Variants in PTPN18 observed in about 807,000 individuals in gnomAD.
The protein encoded by PTPN18 is tyrosine-protein phosphatase non-receptor type 18.
PTPN18 carries 65 observed loss-of-function variants against 65.4 expected under a neutral mutation model. That is an observed-to-expected ratio of 0.99 (90% CI 0.81 to 1.22). The LOEUF is 1.22. PTPN18 is among the 50% of genes most tolerant of loss of function. PTPN18 has a pLI of 0.00. For synonymous variants in PTPN18, 255 were observed against 267.8 expected (o/e 0.95, Z 0.47); for missense variants, 616 against 646.5 (o/e 0.95, Z 0.51).
Position 130,370,104 on chromosome 2 carries a change from C to T in PTPN18, c.603C>T (p.Pro201=). ...QYMSWPDRGV[P]SSPDHMLAMV... is the part of the protein sequence containing the mutation. ...TGTCCTGGCCAGACCGTGGGGTCCC[C>T]AGCAGTCCTGACCACATGCTCGCCA... The change falls in exon 8 of 15, where the codon CCC becomes CCT. Residue 201 remains proline, a synonymous_variant. Transcript: ENST00000175756. 2 of 1,614,180 alleles carry T rather than the reference C, an allele frequency of 1.2e-6. No individual in the cohort carries two copies. Among genetic ancestry groups the T allele is most frequent in the Non-Finnish European group, 1.7e-6 (2 of 1,180,038 alleles).
At chr2:130,368,185 G>C (rs528530045) in intron 5 of PTPN18, among the ~76,000 whole-genome samples, 131 of 151,992 alleles carry the variant, frequency 8.6e-4, no homozygotes, top group African/African-American at 2.7e-3. Context: ...CTTCTTTCCT[G>C]AACTGTTATT....
At chr2:130,370,301 C>T (rs115044783) in intron 8 of PTPN18, 111 bp downstream of exon 8, 35,342 of 1,472,450 alleles carry the variant, frequency 0.024, 538 homozygotes, top group Non-Finnish European at 0.029. Flanking sequence ...TTTGAGAACC[C>T]TTGCTCACCC....
rs143569890 is a variant in PTPN18 at position 130,370,123 on chromosome 2, C to T, written c.622C>T (p.Leu208Phe). The part of the protein sequence containing the change: ...RGVPSSPDHM[L>F]AMVEEARRLQ... The stretch of plus-strand genomic sequence containing the variant: ...GGTCCCCAGCAGTCCTGACCACATG[C>T]TCGCCATGGTGGAGGAAGCCCGTCG... Residue 208 changes from leucine (L) to phenylalanine (F), a missense_variant, in exon 8 of 15, where the codon CTC becomes TTC. Physicochemically the swap from Leu to Phe is conservative, Grantham distance 22 (BLOSUM62 0). This residue lies in a region of PTPN18 where 368 missense variants were observed against 386.7 expected (regional missense o/e 0.95). Coordinates refer to ENST00000175756, the MANE Select transcript of PTPN18 (RefSeq NM_014369.4). 456 of 1,614,148 alleles carry T rather than the reference C, an allele frequency of 2.8e-4. No homozygotes were observed. The highest frequency in any genetic ancestry group is 1.6e-3 in the Middle Eastern group (10 of 6,062).
chr2:130,358,883 CG>C lies in PTPN18; in HGVS notation c.112del (p.Ala38ProfsTer20), dbSNP rs1476018776. On this transcript the variant is annotated frameshift_variant, in exon 2 of 15. Transcript: ENST00000175756. LOFTEE classifies it high-confidence loss of function. ...CTCTACCAGGACATCCAGGCCTGCT[CG>C]GCCGCCTGGAAGGCTGACGGCGTGT... ...AGEFSDIQAC[S>X]AAWKADGVCS... 2 of 1,613,232 alleles carry C rather than the reference CG, an allele frequency of 1.2e-6. No homozygotes were observed. Among genetic ancestry groups the C allele is most frequent in the Non-Finnish European group, 1.7e-6 (2 of 1,179,444 alleles).
chr2:130,360,404 C>T (rs1228930682), intron 5 of PTPN18, among the ~76,000 whole-genome samples: 1 of 152,202 alleles, frequency 6.6e-6, no homozygotes, highest in Non-Finnish European at 1.5e-5. Context: ...TTCTTGCCTA[C>T]TCCATGGATG....
intron 6 of PTPN18, among the ~76,000 whole-genome samples, chr2:130,369,489 G>C (rs113753281): frequency 1.3e-5 from 2 of 152,126 alleles, no homozygotes; most frequent in South Asian, 2.1e-4. Context: ...CATACAGTTA[G>C]TACTTAATAA....
At chr2:130,366,381 C>T (rs985939366) in intron 5 of PTPN18, among the ~76,000 whole-genome samples, 5 of 152,156 alleles carry the variant, frequency 3.3e-5, no homozygotes, top group Non-Finnish European at 5.9e-5. Flanking sequence ...TTCTTTGCAT[C>T]TATTCAGATG....
rs202206284 is a variant in PTPN18 at position 130,358,905 on chromosome 2, C to G, written c.132C>G (p.Gly44=). 6 of 1,613,918 alleles carry G rather than the reference C, an allele frequency of 3.7e-6. No homozygotes were observed. In the African/African-American group the frequency reaches 8.0e-5, roughly 22 times the overall value. ...GCTCGGCCGCCTGGAAGGCTGACGG[C>G]GTGTGCTCCACCGTGGCCGGCAGTC... is the stretch of plus-strand genomic sequence containing the variant. ...QACSAAWKAD[G]VCSTVAGSRP... is the part of the protein sequence containing the mutation. Residue 44 remains glycine (G), a synonymous_variant, in exon 2 of 15, where the codon GGC becomes GGG. Coordinates refer to ENST00000175756, the MANE Select transcript of PTPN18 (RefSeq NM_014369.4).
At position 130,356,201 on chromosome 2, in the gene PTPN18, G is replaced by A; in HGVS notation, c.93+1G>A. The A allele has an allele frequency of 7.6e-7, 1 of 1,319,150 alleles. No individual in the cohort carries two copies. 81.7% of individuals were successfully genotyped at this position (1,319,150 alleles called of 1,614,324 possible). ...GGCAGTCCTCGCCGGCGAGTTCAGCGTGAGTGGCACACGGGGTCCGCGAGC... is the reference window on the plus strand; with the variant it reads ...GGCAGTCCTCGCCGGCGAGTTCAGCATGAGTGGCACACGGGGTCCGCGAGC... On this transcript the variant is annotated splice_donor_variant, in intron 1 of 14. Transcript: ENST00000175756. LOFTEE classifies it high-confidence loss of function.
At chr2:130,357,749 G>A (rs1017626018) in intron 1 of PTPN18, among the ~76,000 whole-genome samples, 26 of 151,416 alleles carry the variant, frequency 1.7e-4, no homozygotes, top group African/African-American at 6.1e-4. Context: ...CCAGCTACTC[G>A]GGTGGCTGAG....
intron 12 of PTPN18, 121 bp downstream of exon 12, chr2:130,371,408 G>A: frequency 1.2e-6 from 1 of 862,846 alleles, no homozygotes; most frequent in Admixed American, 2.9e-5. Flanking sequence ...CCCTTTCTTC[G>A]AATTGAGCTC....
At chr2:130,371,940 G>A (rs1680577242) in intron 12 of PTPN18, 1 of 324,726 alleles carries the variant, frequency 3.1e-6, no homozygotes, top group Admixed American at 4.9e-5. Flanking sequence ...CCTTGTCCTT[G>A]CGGCCATCCC....
At position 130,372,463 on chromosome 2, in the gene PTPN18, G is replaced by C; in HGVS notation, c.1220G>C (p.Arg407Thr). Reference protein sequence around the residue: ...QRPGAHAEDARGTLPGRVPAD... With the variant: ...QRPGAHAEDATGTLPGRVPAD... ...CCCGGGGCGCACGCGGAGGACGCGA[G>C]GGGGACGCTGCCTGGCCGCGGTGAG... Residue 407 changes from arginine to threonine, a missense_variant, in exon 13 of 15, where the codon AGG becomes ACG. Arg to Thr is a moderately conservative substitution (Grantham distance 71). Coordinates refer to ENST00000175756, the MANE Select transcript of PTPN18 (RefSeq NM_014369.4). 2.2e-6 allele frequency: 3 copies of C among 1,372,636 alleles called. No homozygotes were observed. Among genetic ancestry groups the C allele is most frequent in the Non-Finnish European group, 2.8e-6 (3 of 1,070,538 alleles). The allele number at this position is 1,372,636 out of a possible 1,614,324, so 85.0% of individuals were successfully genotyped here. A position where few individuals can be genotyped will look rare whatever the true frequency, so the allele number is the denominator to read the frequency against.
rs537635087 is a variant in PTPN18 at position 130,372,721 on chromosome 2, G to C, written c.1241-152G>C. 422 of 1,037,816 alleles carry C rather than the reference G, an allele frequency of 4.1e-4. 1 individual carries two copies. The African/African-American group carries it at 5.7e-3, about 14-fold the overall frequency. 64.3% of individuals were successfully genotyped at this position (1,037,816 alleles called of 1,614,324 possible). Reference sequence around the variant, plus strand: ...ATACTTGTCTTGGCCGCGCCCAAAGGCTGGAGGCCACGTCCGGGGTGTGTG... The same window carrying C: ...ATACTTGTCTTGGCCGCGCCCAAAGCCTGGAGGCCACGTCCGGGGTGTGTG... On this transcript the variant is annotated intron_variant, in intron 13 of 14. Coordinates refer to ENST00000175756, the MANE Select transcript of PTPN18 (RefSeq NM_014369.4).
intron 5 of PTPN18, among the ~76,000 whole-genome samples, chr2:130,363,575 C>G (rs1322617517): frequency 1.3e-5 from 2 of 152,224 alleles, no homozygotes; most frequent in African/African-American, 4.8e-5. Context: ...TTGGACATTT[C>G]ATATAATTGA....
In PTPN18 at chr2:130,356,217, G is replaced by T; in HGVS notation, c.93+17G>T. On this transcript the variant is annotated intron_variant, in intron 1 of 14. Coordinates refer to ENST00000175756, the MANE Select transcript of PTPN18 (RefSeq NM_014369.4). ...GAGTTCAGCGTGAGTGGCACACGGGGTCCGCGAGCGGCGCGCCCCGGCCCT... is the reference window on the plus strand; with the variant it reads ...GAGTTCAGCGTGAGTGGCACACGGGTTCCGCGAGCGGCGCGCCCCGGCCCT... The T allele has an allele frequency of 7.6e-7, 1 of 1,320,028 alleles. No individual in the cohort carries two copies. The highest frequency in any genetic ancestry group is 2.0e-5 in the South Asian group (1 of 49,528). The allele number at this position is 1,320,028 out of a possible 1,614,324, so 81.8% of individuals were successfully genotyped here.
chr2:130,364,812 CA>C (rs1402781647), intron 5 of PTPN18, among the ~76,000 whole-genome samples: 75 of 152,304 alleles, frequency 4.9e-4, no homozygotes, highest in African/African-American at 1.8e-3. Flanking sequence ...ACAACAACAA[CA>C]ACAACAAAAA....
chr2:130,373,168 C>A lies in PTPN18; in HGVS notation c.1327C>A (p.Arg443Ser), dbSNP rs768555515. 1 of 1,598,536 alleles carries A rather than the reference C, an allele frequency of 6.3e-7. No individual in the cohort carries two copies. The change falls in exon 15 of 15, where the codon CGC becomes AGC. Residue 443 changes from arginine (R) to serine (S), a missense_variant. Physicochemically the swap from Arg to Ser is moderately radical, Grantham distance 110. Coordinates refer to ENST00000175756, the MANE Select transcript of PTPN18 (RefSeq NM_014369.4). The surrounding 1 kb of genome is among the most constrained non-coding windows in gnomAD (Gnocchi z 4.1). ...AQTGGLGFNL[R>S]IGRPKGPRDP... is the part of the protein sequence containing the mutation. Reference sequence around the variant, plus strand: ...CCTTCTTCTCCCAGGTTTCAACCTGCGCATTGGGAGGCCGAAGGGTCCCCG... The same window carrying A: ...CCTTCTTCTCCCAGGTTTCAACCTGAGCATTGGGAGGCCGAAGGGTCCCCG...
At chr2:130,362,276 T>TA in intron 5 of PTPN18, 1 of 386,162 alleles carries the variant, frequency 2.6e-6, no homozygotes, top group South Asian at 1.9e-5. Context: ...AGCCAGGACT[T>TA]ACTTTTAAAT....
Sources: gnomAD v4.1 joint callset for allele counts (sites outside exome capture counted in the v4.1 genomes callset) on GRCh38, gnomAD v4.1.1 for gene constraint, gnomAD v4.1.1 regional missense constraint, Gnocchi (gnomAD v3.1) non-coding constraint, MANE v1.5 for transcripts, NCBI Gene and HGNC (gene_info 2026-07-23, HGNC 2026-07-21) for gene names.